BAZ1B: variants seen among roughly 807,000 people sequenced by gnomAD.
BAZ1B encodes the protein tyrosine-protein kinase BAZ1B.
Under a neutral mutation model 153.8 loss-of-function variants are expected in BAZ1B, and 22 were observed. The observed-to-expected ratio is 0.14, with a 90% CI of 0.10 to 0.20. BAZ1B has a LOEUF of 0.20. Ranked by LOEUF, BAZ1B falls within the 10% of genes least tolerant of loss-of-function variation. The pLI is 1.00. For synonymous variants in BAZ1B, 676 were observed against 633.4 expected (o/e 1.07, Z -1.01); for missense variants, 1,325 against 1,799.3 (o/e 0.74, Z 4.77).
chr7:73,507,746 C>T (rs1790401575), intron 3 of BAZ1B, among the ~76,000 whole-genome samples: 1 of 152,220 alleles, frequency 6.6e-6, no homozygotes, highest in African/African-American at 2.4e-5. Context: ...TGCCTGCAGT[C>T]CCAGCTACTC....
Position 73,470,358 on chromosome 7 carries a change from G to A in BAZ1B, c.2719C>T (p.Arg907Ter). 1 of 1,612,764 alleles carries A rather than the reference G, an allele frequency of 6.2e-7. No homozygotes were observed. Among genetic ancestry groups the A allele is most frequent in the Non-Finnish European group, 8.5e-7 (1 of 1,179,420 alleles). ...VMRRTPIGTDRNHNRYWLFSD... is the reference protein window; with the variant it reads ...VMRRTPIGTD ...TTAGGAACTGACCTATTATGGTTTC[G>A]ATCTGTGCCAATAGGAGTCCTGCGC... The change falls in exon 8 of 20, where the codon CGA becomes TGA. Residue 907 changes from arginine (R) to a stop codon, truncating the protein, a stop_gained. Coordinates refer to ENST00000339594, the MANE Select transcript of BAZ1B (RefSeq NM_032408.4). LOFTEE classifies it high-confidence loss of function.
chr7:73,489,141 C>G (rs1789534487), intron 6 of BAZ1B, 53 bp downstream of exon 6: 1 of 1,543,404 alleles, frequency 6.5e-7, no homozygotes, highest in South Asian at 1.1e-5. Flanking sequence ...CTGGAGCCAT[C>G]AGAGAAATAA....
At chr7:73,442,157 G>GCTCT in intron 19 of BAZ1B, 24 bp downstream of exon 19, 1 of 376,864 alleles carries the variant, frequency 2.7e-6, no homozygotes, top group South Asian at 4.1e-5. Flanking sequence ...CTCCCTAGCT[G>GCTCT]TCCCCCCACC....
rs1459251816 is a variant in BAZ1B at position 73,441,378 on chromosome 7, C to T, written c.*331G>A. On this transcript the variant is annotated 3_prime_UTR_variant, in exon 20 of 20. Coordinates refer to ENST00000339594, the MANE Select transcript of BAZ1B (RefSeq NM_032408.4). ...AAATTCTTCCTGCTTTTCTTCTGCT[C>T]CCCTAAGAGCTTGACTGGTATGTGG... is the stretch of plus-strand genomic sequence containing the variant. 6.6e-6 allele frequency: 1 copy of T among 152,438 alleles called. No homozygotes were observed. The highest frequency in any genetic ancestry group is 6.5e-5 in the Admixed American group (1 of 15,274). 9.4% of individuals were successfully genotyped at this position (152,438 alleles called of 1,614,324 possible). A position where few individuals can be genotyped will look rare whatever the true frequency, so the allele number is the denominator to read the frequency against.
chr7:73,514,118 G>A (rs745523992), intron 1 of BAZ1B, among the ~76,000 whole-genome samples: 1 of 152,088 alleles, frequency 6.6e-6, no homozygotes, highest in Non-Finnish European at 1.5e-5. Flanking sequence ...TTCCTTTGAC[G>A]ATCATGTTGG....
intron 4 of BAZ1B, among the ~76,000 whole-genome samples, chr7:73,493,436 G>A (rs2116393409): frequency 6.6e-6 from 1 of 152,106 alleles, no homozygotes; most frequent in East Asian, 1.9e-4. Context: ...CTCCAGCCTG[G>A]GCAACAGAGC....
intron 9 of BAZ1B, among the ~76,000 whole-genome samples, chr7:73,467,622 C>CA (rs1225872957): frequency 6.6e-6 from 1 of 152,168 alleles, no homozygotes; most frequent in African/African-American, 2.4e-5. Flanking sequence ...CCGCCTGCCT[C>CA]AGCCTCCCAA....
intron 3 of BAZ1B, among the ~76,000 whole-genome samples, chr7:73,508,093 T>C (rs1391223316): frequency 1.3e-5 from 2 of 152,042 alleles, no homozygotes; most frequent in Non-Finnish European, 2.9e-5. Flanking sequence ...GAGAATGAGG[T>C]TGCAGTGAGC....
At chr7:73,479,576 C>T (rs528867684) in intron 6 of BAZ1B, among the ~76,000 whole-genome samples, 1 of 151,736 alleles carries the variant, frequency 6.6e-6, no homozygotes, top group South Asian at 2.1e-4. Context: ...TTGAACATAC[C>T]CTCTTATGTT....
At chr7:73,481,373 C>T (rs1161110493) in intron 6 of BAZ1B, among the ~76,000 whole-genome samples, 2 of 151,784 alleles carry the variant, frequency 1.3e-5, no homozygotes, top group East Asian at 2.0e-4. Context: ...AAATTTTAGC[C>T]AGGTGCGGTG....
intron 13 of BAZ1B, among the ~76,000 whole-genome samples, chr7:73,457,188 G>GT (rs1239228384): frequency 6.6e-6 from 1 of 151,818 alleles, no homozygotes; most frequent in Non-Finnish European, 1.5e-5. Context: ...TGTTTTTCTT[G>GT]TTTTTTTGAG....
intron 7 of BAZ1B, among the ~76,000 whole-genome samples, chr7:73,471,073 G>A (rs995374083): frequency 6.6e-6 from 1 of 152,114 alleles, no homozygotes; most frequent in Non-Finnish European, 1.5e-5. Context: ...CAATCCTGAA[G>A]AAACAGTTAA....
chr7:73,484,456 T>C (rs1342479311), intron 6 of BAZ1B, among the ~76,000 whole-genome samples: 2 of 151,986 alleles, frequency 1.3e-5, no homozygotes, highest in Admixed American at 6.6e-5. Context: ...CTAGGTAACA[T>C]GGCGAGACCC....
Position 73,521,964 on chromosome 7 carries a change from C to G in BAZ1B, c.-31G>C, listed in dbSNP as rs1791075515. 5.0e-6 allele frequency: 7 copies of G among 1,392,250 alleles called. No homozygotes were observed. The highest frequency in any genetic ancestry group is 6.6e-6 in the Non-Finnish European group (7 of 1,065,018). The allele number at this position is 1,392,250 out of a possible 1,614,324, so 86.2% of individuals were successfully genotyped here. ...CGGCGGCGGTGGGGACTGGCGGCTG[C>G]TGGGGCCGGCCCCGCGGCGCAGCAC... On this transcript the variant is annotated 5_prime_UTR_variant, in exon 1 of 20. Transcript: ENST00000339594.
At chr7:73,507,659 AATT>A (rs1790398595) in intron 3 of BAZ1B, among the ~76,000 whole-genome samples, 1 of 152,246 alleles carries the variant, frequency 6.6e-6, no homozygotes, top group South Asian at 2.1e-4. Context: ...AAAGTGTTGC[AATT>A]ATTACAATAC....
chr7:73,492,307 C>G (rs942909651), intron 5 of BAZ1B, among the ~76,000 whole-genome samples: 6 of 152,144 alleles, frequency 3.9e-5, no homozygotes, highest in African/African-American at 1.4e-4. Context: ...GGACTACATG[C>G]GCCCGCCACC....
At chr7:73,471,179 T>C (rs1788791616) in intron 7 of BAZ1B, among the ~76,000 whole-genome samples, 1 of 152,208 alleles carries the variant, frequency 6.6e-6, no homozygotes. Context: ...AAAATAACTA[T>C]TTCAAAATAA....
chr7:73,480,157 CAAA>C (rs112891160), intron 6 of BAZ1B, among the ~76,000 whole-genome samples: 11 of 93,266 alleles, frequency 1.2e-4, no homozygotes, highest in Admixed American at 4.8e-4. Flanking sequence ...GACTCTGCCT[CAAA>C]AAAAAAAAAA....
At chr7:73,449,236 A>C (rs1212219687) in intron 15 of BAZ1B, among the ~76,000 whole-genome samples, 1 of 152,222 alleles carries the variant, frequency 6.6e-6, no homozygotes, top group African/African-American at 2.4e-5. Flanking sequence ...AGAAGTAATC[A>C]TGAAGACACA....
Sources: gnomAD v4.1 joint callset for allele counts (sites outside exome capture counted in the v4.1 genomes callset) on GRCh38, gnomAD v4.1.1 for gene constraint, MANE v1.5 for transcripts, NCBI Gene and HGNC (gene_info 2026-07-23, HGNC 2026-07-21) for gene names.